The following SEMA5A variants were observed in gnomAD, a reference collection of about 807,000 sequenced individuals.
SEMA5A encodes the protein semaphorin-5A.
Under a neutral mutation model 135.5 loss-of-function variants are expected in SEMA5A, and 55 were observed. The ratio of observed to expected loss-of-function variants is 0.41; its 90% CI spans 0.33 to 0.51. SEMA5A has a LOEUF of 0.51. Among genes scored for constraint, SEMA5A ranks in the 20% least tolerant of loss-of-function variants. SEMA5A has a pLI of 0.37. For missense variants in SEMA5A, 1,290 were observed against 1,419.9 expected (o/e 0.91, Z 1.47); for synonymous variants, 580 against 546.5 (o/e 1.06, Z -0.85).
intron 16 of SEMA5A, among the ~76,000 whole-genome samples, chr5:9,067,601 A>AT (rs1038689494): frequency 1.7e-4 from 20 of 118,792 alleles, no homozygotes; most frequent in Non-Finnish European, 3.1e-4. Flanking sequence ...ATAAAATAAA[A>AT]TAAATTGCTC....
At chr5:9,330,185 T>C (rs1753060719) in intron 4 of SEMA5A, among the ~76,000 whole-genome samples, 2 of 151,812 alleles carry the variant, frequency 1.3e-5, no homozygotes, top group Admixed American at 1.3e-4. Context: ...GGTCAGGAGA[T>C]TGAGACCATC....
chr5:9,060,464 C>T (rs1209856752), intron 18 of SEMA5A, among the ~76,000 whole-genome samples: 1 of 152,086 alleles, frequency 6.6e-6, no homozygotes, highest in Non-Finnish European at 1.5e-5. Context: ...CCTGACATTC[C>T]CATGACGTCT....
At chr5:9,088,659 T>TATATATATATATACACACACACACACAC in intron 16 of SEMA5A, among the ~76,000 whole-genome samples, 1 of 112,888 alleles carries the variant, frequency 8.9e-6, no homozygotes, top group Non-Finnish European at 1.7e-5. Context: ...TATATATATA[T>TATATATATATATACACACACACACACAC]ACACACACAC....
At chr5:9,429,856 T>C (rs1288039767) in intron 2 of SEMA5A, among the ~76,000 whole-genome samples, 1 of 152,180 alleles carries the variant, frequency 6.6e-6, no homozygotes, top group East Asian at 1.9e-4. Context: ...ACGTGGTGCC[T>C]GGCGCACCAA....
Position 9,154,060 on chromosome 5 carries a change from A to AT in SEMA5A, c.1481+427_1481+428insA, listed in dbSNP as rs1190123702. Among the ~76,000 whole-genome samples the AT allele has an allele frequency of 1.0e-4, 5 of 50,242 alleles. No homozygotes were observed. In the East Asian group the frequency reaches 1.6e-3, roughly 16 times the overall value. 33.0% of individuals were successfully genotyped at this position (50,242 alleles called of 152,430 possible). ...GACTGTGTCTCAAAAAAAAAAAAAAAAAATATATATATATATATATATATA... is the reference window on the plus strand; with the variant it reads ...GACTGTGTCTCAAAAAAAAAAAAAAATAAATATATATATATATATATATATA... On this transcript the variant is annotated intron_variant, in intron 12 of 22. Transcript: ENST00000382496.
intron 17 of SEMA5A, 101 bp downstream of exon 17, chr5:9,066,320 T>C: frequency 3.6e-6 from 4 of 1,113,800 alleles, no homozygotes; most frequent in Non-Finnish European, 5.4e-6. Flanking sequence ...AAGCCATAAA[T>C]AACCAAAAAG....
chr5:9,388,356 T>C (rs957060713), intron 2 of SEMA5A, among the ~76,000 whole-genome samples: 1 of 152,012 alleles, frequency 6.6e-6, no homozygotes, highest in Admixed American at 6.6e-5. Flanking sequence ...TTAGATAAAA[T>C]TATTATTTAC....
chr5:9,544,667 G>A (rs1013058387), intron 1 of SEMA5A, among the ~76,000 whole-genome samples: 1 of 152,222 alleles, frequency 6.6e-6, no homozygotes, highest in Non-Finnish European at 1.5e-5. Flanking sequence ...GGAATCCCGA[G>A]GACGCCGCAG....
intron 4 of SEMA5A, among the ~76,000 whole-genome samples, chr5:9,332,000 G>T (rs1336636807): frequency 1.3e-5 from 2 of 152,246 alleles, no homozygotes; most frequent in African/African-American, 4.8e-5. Context: ...AAGTCAAGGG[G>T]TTTAGTGCAA....
At chr5:9,093,304 T>C (rs1360831024) in intron 16 of SEMA5A, among the ~76,000 whole-genome samples, 2 of 152,218 alleles carry the variant, frequency 1.3e-5, no homozygotes, top group African/African-American at 4.8e-5. Context: ...GAAAAAATAA[T>C]TTAAAACATG....
At chr5:9,080,125 T>C (rs1224862778) in intron 16 of SEMA5A, among the ~76,000 whole-genome samples, 1 of 152,144 alleles carries the variant, frequency 6.6e-6, no homozygotes, top group Non-Finnish European at 1.5e-5. Flanking sequence ...CTGTTCACAA[T>C]AGCAAAGACC....
At chr5:9,522,761 T>C (rs555327089) in intron 1 of SEMA5A, 1 of 152,300 alleles carries the variant, frequency 6.6e-6, no homozygotes, top group Admixed American at 6.5e-5. Context: ...CCAAATTTGG[T>C]CTCCAATGAC....
At chr5:9,275,212 A>T (rs1158631714) in intron 5 of SEMA5A, among the ~76,000 whole-genome samples, 1 of 151,856 alleles carries the variant, frequency 6.6e-6, no homozygotes, top group Non-Finnish European at 1.5e-5. Context: ...ACCTCTACTC[A>T]AATAAACTAG....
intron 1 of SEMA5A, among the ~76,000 whole-genome samples, chr5:9,515,040 C>A (rs1304377972): frequency 6.6e-6 from 1 of 152,204 alleles, no homozygotes; most frequent in East Asian, 1.9e-4. Flanking sequence ...TTCATAACAG[C>A]ATTTAATATA....
intron 10 of SEMA5A, among the ~76,000 whole-genome samples, chr5:9,193,101 T>C (rs944354704): frequency 3.9e-5 from 6 of 152,156 alleles, no homozygotes; most frequent in Non-Finnish European, 7.3e-5. Context: ...CTCTACTACT[T>C]CTTGGTTTAT....
intron 1 of SEMA5A, among the ~76,000 whole-genome samples, chr5:9,441,764 C>T (rs2126680888): frequency 6.6e-6 from 1 of 152,176 alleles, no homozygotes; most frequent in South Asian, 2.1e-4. Flanking sequence ...GCAGCATGTG[C>T]CACGATGACT....
chr5:9,248,523 C>A (rs1748592941), intron 5 of SEMA5A, among the ~76,000 whole-genome samples: 1 of 147,396 alleles, frequency 6.8e-6, no homozygotes, highest in South Asian at 2.1e-4. Context: ...TATCCATCAT[C>A]ATCTCTGCAA....
intron 1 of SEMA5A, among the ~76,000 whole-genome samples, chr5:9,486,645 A>AT (rs1330007035): frequency 2.0e-5 from 3 of 152,152 alleles, no homozygotes; most frequent in African/African-American, 7.2e-5. Context: ...AAATACTCAC[A>AT]TAAAAAAAAA....
intron 5 of SEMA5A, among the ~76,000 whole-genome samples, chr5:9,252,301 G>A (rs761360729): frequency 1.2e-4 from 18 of 152,110 alleles, no homozygotes; most frequent in Non-Finnish European, 2.1e-4. Context: ...TCATCGATTC[G>A]AAAGCTTCCC....
Sources: allele counts gnomAD v4.1 joint callset (sites outside exome capture counted in the v4.1 genomes callset), GRCh38; gene constraint gnomAD v4.1.1; transcripts MANE v1.5; gene names NCBI Gene and HGNC (gene_info 2026-07-23, HGNC 2026-07-21).